NRG3: variants seen among roughly 807,000 people sequenced by gnomAD.
The protein encoded by NRG3 is neuregulin 3, also known as pro-neuregulin-3, membrane-bound isoform.
A neutral mutation model predicts 66.9 loss-of-function variants in NRG3; 31 were observed. The ratio of observed to expected loss-of-function variants is 0.46; its 90% CI spans 0.35 to 0.63. NRG3 has a LOEUF of 0.63. Among genes scored for constraint, NRG3 ranks in the 20% least tolerant of loss-of-function variants. The pLI is 0.00. For synonymous variants in NRG3, 393 were observed against 359.4 expected, an observed-to-expected ratio of 1.09 and a Z score of -1.06; for missense variants, 910 against 878.9, an observed-to-expected ratio of 1.04 and a Z score of -0.45.
intron 2 of NRG3, among the ~76,000 whole-genome samples, chr10:82,672,228 A>T (rs2053338459): frequency 6.6e-6 from 1 of 152,166 alleles, no homozygotes; most frequent in Admixed American, 6.5e-5. Context: ...GGGGACAGAA[A>T]GTGCAAAGGG....
chr10:82,658,723 A>G (rs529547904), intron 2 of NRG3, among the ~76,000 whole-genome samples: 178 of 152,278 alleles, frequency 1.2e-3, no homozygotes, highest in African/African-American at 4.3e-3. Flanking sequence ...TTTTTGGGTG[A>G]GGCATACTTT....
At chr10:82,904,315 A>G (rs929457953) in intron 4 of NRG3, among the ~76,000 whole-genome samples, 1 of 152,124 alleles carries the variant, frequency 6.6e-6, no homozygotes, top group Admixed American at 6.5e-5. Flanking sequence ...AAGACTGGAC[A>G]CCCCTGGTGT....
At chr10:82,064,373 A>C (rs972186559) in intron 1 of NRG3, among the ~76,000 whole-genome samples, 3 of 151,496 alleles carry the variant, frequency 2.0e-5, no homozygotes, top group Non-Finnish European at 4.4e-5. Flanking sequence ...AATATATATA[A>C]AAATAATATA....
At chr10:82,057,841 C>T (rs1225704777) in intron 1 of NRG3, among the ~76,000 whole-genome samples, 1 of 152,164 alleles carries the variant, frequency 6.6e-6, no homozygotes, top group Non-Finnish European at 1.5e-5. Flanking sequence ...ATCTGGCCTT[C>T]TACCTTAGTT....
intron 1 of NRG3, among the ~76,000 whole-genome samples, chr10:82,296,542 A>G (rs1386176680): frequency 6.6e-6 from 1 of 152,180 alleles, no homozygotes; most frequent in Non-Finnish European, 1.5e-5. Context: ...GATAAATAGT[A>G]TTTGTACATG....
At chr10:81,990,311 A>G (rs971013259) in intron 1 of NRG3, among the ~76,000 whole-genome samples, 2 of 152,168 alleles carry the variant, frequency 1.3e-5, no homozygotes, top group African/African-American at 4.8e-5. Context: ...CTCATATTAA[A>G]AGTGGAGAAT....
At chr10:82,408,089 A>AGAGAGAGAGAG (rs1564888139) in intron 2 of NRG3, among the ~76,000 whole-genome samples, 2 of 54,874 alleles carry the variant, frequency 3.6e-5, no homozygotes, top group African/African-American at 1.5e-4. Flanking sequence ...GAGAGACAGA[A>AGAGAGAGAGAG]AGAAAGAAAG....
intron 3 of NRG3, among the ~76,000 whole-genome samples, chr10:82,743,092 G>A (rs1241380400): frequency 1.3e-5 from 2 of 152,042 alleles, no homozygotes; most frequent in Admixed American, 6.6e-5. Context: ...GGAGACAGCC[G>A]TTTCTACCCC....
At chr10:81,943,113 C>T (rs1474113789) in intron 1 of NRG3, among the ~76,000 whole-genome samples, 4 of 152,080 alleles carry the variant, frequency 2.6e-5, no homozygotes, top group South Asian at 2.1e-4. Flanking sequence ...AATTGCTGGG[C>T]ATGGTGGCTC....
At chr10:82,698,561 G>A (rs1471324678) in intron 2 of NRG3, among the ~76,000 whole-genome samples, 1 of 152,070 alleles carries the variant, frequency 6.6e-6, no homozygotes, top group Admixed American at 6.6e-5. Flanking sequence ...AAATTATTTT[G>A]CAGAGACATT....
chr10:82,892,746 A>G (rs1375903147), intron 4 of NRG3, among the ~76,000 whole-genome samples: 1 of 151,818 alleles, frequency 6.6e-6, no homozygotes, highest in Non-Finnish European at 1.5e-5. Context: ...TTCATAATCA[A>G]TGGACATATG....
chr10:82,153,413 G>GTGTC (rs2070935564), intron 1 of NRG3, among the ~76,000 whole-genome samples: 1 of 137,608 alleles, frequency 7.3e-6, no homozygotes, highest in South Asian at 2.1e-4. Flanking sequence ...GTATTCCATT[G>GTGTC]TGTGTGTGTG....
intron 1 of NRG3, among the ~76,000 whole-genome samples, chr10:82,329,462 A>G (rs2082038017): frequency 6.7e-6 from 1 of 149,822 alleles, no homozygotes; most frequent in Admixed American, 6.6e-5. Flanking sequence ...TTTTTAAAGA[A>G]AAAAAAGAAT....
intron 2 of NRG3, among the ~76,000 whole-genome samples, chr10:82,731,142 G>C (rs934963168): frequency 6.6e-6 from 1 of 152,070 alleles, no homozygotes; most frequent in East Asian, 1.9e-4. Flanking sequence ...TGAGGCAGGC[G>C]GATAACTTGA....
intron 4 of NRG3, among the ~76,000 whole-genome samples, chr10:82,904,637 A>C (rs1844551283): frequency 6.6e-6 from 1 of 152,146 alleles, no homozygotes; most frequent in Admixed American, 6.5e-5. Flanking sequence ...ACATAGAAGC[A>C]TATCTTAGGC....
rs546706458 is a variant in NRG3, at chr10:82,918,016, A to G, written c.1055-33453A>G. Among the ~76,000 whole-genome samples the G allele has an allele frequency of 2.3e-4, 33 of 145,998 alleles. 1 individual carries two copies. The South Asian group carries it at 3.5e-3, about 15-fold the overall frequency. On this transcript the variant is annotated intron_variant, in intron 4 of 8. Coordinates refer to ENST00000372141, the MANE Select transcript of NRG3 (RefSeq NM_001010848.4). ...TATGTATGTATGTATCTCTCTCTAT[A>G]TATATACATACATATTCTTACATGT...
chr10:82,243,094 C>A (rs1240929631), intron 1 of NRG3, among the ~76,000 whole-genome samples: 1 of 152,204 alleles, frequency 6.6e-6, no homozygotes, highest in Non-Finnish European at 1.5e-5. Flanking sequence ...GTTGCAGGGA[C>A]TTTGCTGAGC....
At chr10:82,899,626 T>C (rs747857182) in intron 4 of NRG3, among the ~76,000 whole-genome samples, 2 of 152,228 alleles carry the variant, frequency 1.3e-5, no homozygotes, top group Non-Finnish European at 2.9e-5. Context: ...GTTATTCTTA[T>C]AGACAAATAT....
At chr10:82,720,841 A>C (rs2057271279) in intron 2 of NRG3, among the ~76,000 whole-genome samples, 1 of 127,606 alleles carries the variant, frequency 7.8e-6, no homozygotes, top group African/African-American at 3.6e-5. Flanking sequence ...ATATATATAT[A>C]TCACCCATCA....
Sources: allele counts gnomAD v4.1 joint callset (sites outside exome capture counted in the v4.1 genomes callset), GRCh38; gene constraint gnomAD v4.1.1; transcripts MANE v1.5; gene names NCBI Gene and HGNC (gene_info 2026-07-23, HGNC 2026-07-21).